The following TREX2 variants were observed in gnomAD, a reference collection of about 807,000 sequenced individuals.
The protein encoded by TREX2 is 3'-5' exonuclease TREX2 long form.
For missense variants in TREX2, 242 were observed against 235.3 expected, an observed-to-expected ratio of 1.03 and a Z score of -0.19; for synonymous variants, 121 against 112.1, an observed-to-expected ratio of 1.08 and a Z score of -0.50.
chrX:153,445,508 G>T lies in TREX2; in HGVS notation c.-65-13C>A. ...CAAACCCTGAGGACTGGAGAGAGGGGTTCGCCCGGGCCCTGCTGTGTACCA... is the reference window on the plus strand; with the variant it reads ...CAAACCCTGAGGACTGGAGAGAGGGTTTCGCCCGGGCCCTGCTGTGTACCA... On this transcript the variant is annotated splice_polypyrimidine_tract_variant and intron_variant, in intron 1 of 1. Transcript: ENST00000370231. 1.0e-6 allele frequency: 1 copy of T among 969,259 alleles called. No individual in the cohort carries two copies. The highest frequency in any genetic ancestry group is 1.4e-6 in the Non-Finnish European group (1 of 713,753). 79.9% of individuals were successfully genotyped at this position (969,259 alleles called of 1,213,427 possible). A position where few individuals can be genotyped will look rare whatever the true frequency, so the allele number is the denominator to read the frequency against.
rs1295130948 is a variant in TREX2 at position 153,444,543 on chromosome X, G to A, written c.*177C>T. Among the ~76,000 whole-genome samples, 1 of 112,787 alleles carries A rather than the reference G, an allele frequency of 8.9e-6. No homozygotes were observed. Among genetic ancestry groups the A allele is most frequent in the Non-Finnish European group, 1.9e-5 (1 of 53,163 alleles). On this transcript the variant is annotated 3_prime_UTR_variant, in exon 2 of 2. Transcript: ENST00000370231. Reference sequence around the variant, plus strand: ...CACCCAGGCCAGCCGGGAGAGCACGGCCCTGGAAGCGGGGCCTGGAGAGGA... The same window carrying A: ...CACCCAGGCCAGCCGGGAGAGCACGACCCTGGAAGCGGGGCCTGGAGAGGA...
At chrX:153,445,586 C>T in intron 1 of TREX2, 91 bp from the exon 2 acceptor site, 1 of 561,679 alleles carries the variant, frequency 1.8e-6, no homozygotes, top group Non-Finnish European at 3.0e-6. Flanking sequence ...CCTGCCACCC[C>T]CGACCACAGC....
In TREX2 at chrX:153,445,301, C is replaced by G; in HGVS notation, c.130G>C (p.Glu44Gln). ...ACTAGGGCACCAGACTCGTCGTGCTCCGGGTTCTCCAGGGAGGAGCGGTGG... is the reference window on the plus strand; with the variant it reads ...ACTAGGGCACCAGACTCGTCGTGCTGCGGGTTCTCCAGGGAGGAGCGGTGG... ...AVHRSSLENP[E>Q]HDESGALVLP... Residue 44 changes from glutamate to glutamine, a missense_variant, in exon 2 of 2, where the codon GAG becomes CAG. Transcript: ENST00000370231. 8.3e-7 allele frequency: 1 copy of G among 1,205,298 alleles called. No individual in the cohort carries two copies. Among genetic ancestry groups the G allele is most frequent in the Non-Finnish European group, 1.1e-6 (1 of 891,609 alleles).
At chrX:153,445,650 C>G (rs2089154038) in intron 1 of TREX2, 155 bp from the exon 2 acceptor site, 1 of 515,270 alleles carries the variant, frequency 1.9e-6, no homozygotes. Context: ...ACCTACTGAA[C>G]AGAAAAGGCA....
In TREX2 at chrX:153,444,820, C is replaced by T; in HGVS notation, c.611G>A (p.Arg204His). The change falls in exon 2 of 2, where the codon CGC (arginine) becomes CAC (histidine). Residue 204 changes from arginine to histidine, a missense_variant. Coordinates refer to ENST00000370231, the MANE Select transcript of TREX2 (RefSeq NM_080701.4). The stretch of plus-strand genomic sequence containing the variant: ...GGCCCAGGCGAGCAGCTCTGCGGCG[C>T]GGTGCAGGAAGATCAGGAGCAGGGT... ...VHTLLLIFLH[R>H]AAELLAWADE... 2.5e-6 allele frequency: 3 copies of T among 1,199,883 alleles called. No individual in the cohort carries two copies. Among genetic ancestry groups the T allele is most frequent in the Non-Finnish European group, 3.4e-6 (3 of 890,381 alleles).
chrX:153,445,321 C>G lies in TREX2; in HGVS notation c.110G>C (p.Arg37Pro), dbSNP rs782408064. 1.6e-5 allele frequency: 19 copies of G among 1,204,729 alleles called. No individual in the cohort carries two copies. In the East Asian group the frequency reaches 4.2e-4, roughly 26 times the overall value. Reference protein sequence around the residue: ...IAELSLFAVHRSSLENPEHDE... With the variant: ...IAELSLFAVHPSSLENPEHDE... ...GTGCTCCGGGTTCTCCAGGGAGGAG[C>G]GGTGGACAGCAAAGAGGGACAGCTC... Residue 37 changes from arginine to proline, a missense_variant, in exon 2 of 2, where the codon CGC (arginine) becomes CCC (proline). Physicochemically the swap from Arg to Pro is moderately radical, Grantham distance 103. Transcript: ENST00000370231.
Position 153,445,486 on chromosome X carries a change from A to G in TREX2, c.-56T>C. 1 of 1,045,171 alleles carries G rather than the reference A, an allele frequency of 9.6e-7. No individual in the cohort carries two copies. The highest frequency in any genetic ancestry group is 1.3e-6 in the Non-Finnish European group (1 of 783,548). 86.1% of individuals were successfully genotyped at this position (1,045,171 alleles called of 1,213,427 possible). A position where few individuals can be genotyped will look rare whatever the true frequency, so the allele number is the denominator to read the frequency against. On this transcript the variant is annotated 5_prime_UTR_variant, in exon 2 of 2. Transcript: ENST00000370231. Reference sequence around the variant, plus strand: ...CAAACTGTCCGAGCGAGAGGCACAAACCCTGAGGACTGGAGAGAGGGGTTC... The same window carrying G: ...CAAACTGTCCGAGCGAGAGGCACAAGCCCTGAGGACTGGAGAGAGGGGTTC...
chrX:153,445,524 C>T, intron 1 of TREX2, 29 bp from the exon 2 acceptor site: 1 of 878,763 alleles, frequency 1.1e-6, no homozygotes, highest in Non-Finnish European at 1.6e-6. Flanking sequence ...CCGGGCCCTG[C>T]TGTGTACCAT....
At position 153,444,950 on chromosome X, in the gene TREX2, C is replaced by A; in HGVS notation, c.481G>T (p.Gly161Cys). The change falls in exon 2 of 2, where the codon GGC becomes TGC. Residue 161 changes from glycine (G) to cysteine (C), a missense_variant. Coordinates refer to ENST00000370231, the MANE Select transcript of TREX2 (RefSeq NM_080701.4). ...CCCTGGCGGCCCCGGGCCCGGGTGC[C>A]GTGGCTGTGGGCGCGGTCCAGGCCC... ...LRGLDRAHSH[G>C]TRARGRQGYS... The A allele has an allele frequency of 8.4e-7, 1 of 1,190,444 alleles. No homozygotes were observed. The highest frequency in any genetic ancestry group is 1.1e-6 in the Non-Finnish European group (1 of 885,002).
rs1030350514 is a variant in TREX2, at chrX:153,444,621, G to A, written c.*99C>T. On this transcript the variant is annotated 3_prime_UTR_variant, in exon 2 of 2. Transcript: ENST00000370231. ...GCCAGGGAAGGCCTGGCAGGTGCAC[G>A]GACCTGAGGCTGCCCAGATAGGAGG... 720 of 955,836 alleles carry A rather than the reference G, an allele frequency of 7.5e-4. 2 individuals are homozygous for A. The highest frequency in any genetic ancestry group is 9.5e-4 in the Non-Finnish European group (662 of 696,089). 78.8% of individuals were successfully genotyped at this position (955,836 alleles called of 1,213,427 possible).
chrX:153,445,523 G>T, intron 1 of TREX2, 28 bp from the exon 2 acceptor site: 1 of 883,135 alleles, frequency 1.1e-6, no homozygotes, highest in South Asian at 2.3e-5. Context: ...CCCGGGCCCT[G>T]CTGTGTACCA....
Position 153,444,848 on chromosome X carries a change from G to C in TREX2, c.583C>G (p.His195Asp), listed in dbSNP as rs1556979235. The C allele has an allele frequency of 8.3e-7, 1 of 1,203,080 alleles. No individual in the cohort carries two copies. Among genetic ancestry groups the C allele is most frequent in the Non-Finnish European group, 1.1e-6 (1 of 891,791 alleles). The change falls in exon 2 of 2, where the codon CAC becomes GAC. Residue 195 changes from histidine to aspartate, a missense_variant. Physicochemically the swap from His to Asp is moderately conservative, Grantham distance 81. Transcript: ENST00000370231. ...TGCAGGAAGATCAGGAGCAGGGTGT[G>C]CACGTCGCCCTCGGCTGAGTGGGCT... ...SAAHSAEGDV[H>D]TLLLIFLHRA...
chrX:153,445,467 G>A lies in TREX2; in HGVS notation c.-37C>T. On this transcript the variant is annotated 5_prime_UTR_variant, in exon 2 of 2. Coordinates refer to ENST00000370231, the MANE Select transcript of TREX2 (RefSeq NM_080701.4). ...CACGGGGATAGCAAGTCCTCAAACT[G>A]TCCGAGCGAGAGGCACAAACCCTGA... 9.2e-7 allele frequency: 1 copy of A among 1,091,572 alleles called. No individual in the cohort carries two copies. Among genetic ancestry groups the A allele is most frequent in the Non-Finnish European group, 1.2e-6 (1 of 825,494 alleles). 90.0% of individuals were successfully genotyped at this position (1,091,572 alleles called of 1,213,427 possible).
intron 1 of TREX2, chrX:153,445,750 G>A (rs1011587568): frequency 4.0e-5 from 18 of 453,640 alleles, no homozygotes; most frequent in Middle Eastern, 3.5e-4. Context: ...GCACCTTGGC[G>A]GGGTCCAGCC....
rs782331698 is a variant in TREX2 at position 153,444,795 on chromosome X, G to A, written c.636C>T (p.Ala212=). Residue 212 remains alanine (A), a synonymous_variant, in exon 2 of 2, where the codon GCC becomes GCT. Coordinates refer to ENST00000370231, the MANE Select transcript of TREX2 (RefSeq NM_080701.4). ...LHRAAELLAW[A]DEQARGWAHI... Reference sequence around the variant, plus strand: ...GGGCCCACCCACGGGCCTGCTCATCGGCCCAGGCGAGCAGCTCTGCGGCGC... The same window carrying A: ...GGGCCCACCCACGGGCCTGCTCATCAGCCCAGGCGAGCAGCTCTGCGGCGC... 554 of 1,196,746 alleles carry A rather than the reference G, an allele frequency of 4.6e-4. 5 individuals carry two copies. The South Asian group carries it at 8.8e-3, about 19-fold the overall frequency.
rs893766946 is a variant in TREX2 at position 153,444,883 on chromosome X, T to C, written c.548A>G (p.Glu183Gly). Reference protein sequence around the residue: ...GSLFHRYFRAEPSAAHSAEGD... With the variant: ...GSLFHRYFRAGPSAAHSAEGD... Reference sequence around the variant, plus strand: ...CTCGGCTGAGTGGGCTGCGCTTGGCTCTGCCCGGAAGTAGCGGTGGAAGAG... The same window carrying C: ...CTCGGCTGAGTGGGCTGCGCTTGGCCCTGCCCGGAAGTAGCGGTGGAAGAG... The change falls in exon 2 of 2, where the codon GAG (glutamate) becomes GGG (glycine). Residue 183 changes from glutamate (E) to glycine (G), a missense_variant. Physicochemically the swap from Glu to Gly is moderately conservative, Grantham distance 98. Transcript: ENST00000370231. 7.5e-6 allele frequency: 9 copies of C among 1,204,124 alleles called. No individual in the cohort carries two copies. The highest frequency in any genetic ancestry group is 9.0e-6 in the Non-Finnish European group (8 of 892,693).
chrX:153,445,228 C>T lies in TREX2; in HGVS notation c.203G>A (p.Arg68His), dbSNP rs1338415434. 3.3e-6 allele frequency: 4 copies of T among 1,202,780 alleles called. No individual in the cohort carries two copies. In the East Asian group the frequency reaches 1.2e-4, roughly 36 times the overall value. Residue 68 changes from arginine to histidine, a missense_variant, in exon 2 of 2, where the codon CGC becomes CAC. Coordinates refer to ENST00000370231, the MANE Select transcript of TREX2 (RefSeq NM_080701.4). ...DKLTLCMCPERPFTAKASEIT... is the reference protein window; with the variant it reads ...DKLTLCMCPEHPFTAKASEIT... ...CTCGCTGGCCTTGGCAGTGAAGGGGCGCTCCGGGCACATGCACAGCGTGAG... is the reference window on the plus strand; with the variant it reads ...CTCGCTGGCCTTGGCAGTGAAGGGGTGCTCCGGGCACATGCACAGCGTGAG...
intron 1 of TREX2, chrX:153,445,746 T>C (rs1297216598): frequency 2.2e-6 from 1 of 454,355 alleles, no homozygotes; most frequent in African/African-American, 2.4e-5. Flanking sequence ...GACCGCACCT[T>C]GGCGGGGTCC....
At chrX:153,445,733 A>T (rs1288146567) in intron 1 of TREX2, 11 of 473,477 alleles carry the variant, frequency 2.3e-5, no homozygotes, top group Non-Finnish European at 4.1e-5. Context: ...GAGGCAGCTC[A>T]GGGACCGCAC....
Sources: gnomAD v4.1 joint callset for allele counts (sites outside exome capture counted in the v4.1 genomes callset) on GRCh38, gnomAD v4.1.1 for gene constraint, MANE v1.5 for transcripts, NCBI Gene and HGNC (gene_info 2026-07-23, HGNC 2026-07-21) for gene names.